The following PADI4 variants were observed in gnomAD, a reference collection of about 807,000 sequenced individuals.
PADI4 encodes the protein protein-arginine deiminase type-4.
PADI4 carries 62 observed loss-of-function variants against 75.0 expected under a neutral mutation model. The observed-to-expected ratio is 0.83, with a 90% CI of 0.67 to 1.02. The LOEUF (loss-of-function observed/expected upper bound fraction) is 1.02. Ranked by LOEUF, PADI4 falls within the 50% of genes least tolerant of loss-of-function variation. The pLI, the probability that PADI4 is intolerant of heterozygous loss-of-function variation, is 0.00. For missense variants in PADI4, 845 were observed against 850.5 expected (o/e 0.99, Z 0.08); for synonymous variants, 361 against 348.1 (o/e 1.04, Z -0.41).
intron 4 of PADI4, among the ~76,000 whole-genome samples, chr1:17,337,455 T>G (rs188181190): frequency 6.6e-6 from 1 of 152,264 alleles, no homozygotes; most frequent in East Asian, 1.9e-4. Context: ...CAACATTTCT[T>G]AAAAGCTGTT....
chr1:17,357,658 C>T (rs1382617311), intron 13 of PADI4, among the ~76,000 whole-genome samples: 2 of 151,946 alleles, frequency 1.3e-5, no homozygotes, highest in Admixed American at 6.6e-5. Flanking sequence ...CTAGGCTGGG[C>T]GCGATGGTTC....
At chr1:17,360,293 G>GAA (rs59638967) in intron 15 of PADI4, among the ~76,000 whole-genome samples, 2 of 129,860 alleles carry the variant, frequency 1.5e-5, no homozygotes, top group Non-Finnish European at 3.4e-5. Context: ...TTTGTCTCGG[G>GAA]AAAAAAAAAA....
chr1:17,359,048 G>A, intron 14 of PADI4, 140 bp downstream of exon 14: 2 of 698,156 alleles, frequency 2.9e-6, no homozygotes, highest in Non-Finnish European at 4.9e-6. Flanking sequence ...AAGGGCAGAA[G>A]CAAAGACTGG....
intron 1 of PADI4, among the ~76,000 whole-genome samples, chr1:17,310,471 C>T (rs1186860735): frequency 6.6e-6 from 1 of 152,206 alleles, no homozygotes; most frequent in Non-Finnish European, 1.5e-5. Flanking sequence ...GGGCCACTCC[C>T]TCCTCACCTC....
At position 17,363,762 on chromosome 1, in the gene PADI4, C is replaced by T; in HGVS notation, c.*7C>T. 6.3e-7 allele frequency: 1 copy of T among 1,594,678 alleles called. No individual in the cohort carries two copies. The highest frequency in any genetic ancestry group is 1.3e-5 in the African/African-American group (1 of 74,708). The stretch of plus-strand genomic sequence containing the variant: ...GTGGAACATGGTGCCCTGAGCCCAT[C>T]TTCCCTGGCGTCCTCTCCCTCCTGG... On this transcript the variant is annotated 3_prime_UTR_variant, in exon 16 of 16. Coordinates refer to ENST00000375448, the MANE Select transcript of PADI4 (RefSeq NM_012387.3).
Position 17,346,172 on chromosome 1 carries a change from T to C in PADI4, c.1047+33T>C. On this transcript the variant is annotated intron_variant, in intron 9 of 15. Transcript: ENST00000375448. The surrounding 1 kb of genome is among the most constrained non-coding windows in gnomAD (Gnocchi z 4.3). ...CCCTGCGGGGCAGGCAGGGTGACTG[T>C]CCCTGAGGGCCAAGAGACACTTGGG... 2 of 1,418,258 alleles carry C rather than the reference T, an allele frequency of 1.4e-6. No individual in the cohort carries two copies. The highest frequency in any genetic ancestry group is 2.0e-4 in the Middle Eastern group (1 of 4,986). 87.9% of individuals were successfully genotyped at this position (1,418,258 alleles called of 1,614,324 possible).
chr1:17,339,829 C>A lies in PADI4; in HGVS notation c.652+16C>A. The A allele has an allele frequency of 1.3e-6, 2 of 1,588,224 alleles. No individual in the cohort carries two copies. Among genetic ancestry groups the A allele is most frequent in the Non-Finnish European group, 1.7e-6 (2 of 1,166,376 alleles). ...CAGGCCACACGTAAGTCATCCCCAT[C>A]TTTGTTCCCCTCCTGCCCTGGCCAA... On this transcript the variant is annotated intron_variant, in intron 6 of 15. Coordinates refer to ENST00000375448, the MANE Select transcript of PADI4 (RefSeq NM_012387.3).
intron 1 of PADI4, among the ~76,000 whole-genome samples, chr1:17,330,644 T>C (rs928583486): frequency 6.6e-6 from 1 of 152,126 alleles, no homozygotes; most frequent in Non-Finnish European, 1.5e-5. Flanking sequence ...GCATCCAGCA[T>C]TGGAGAAAGA....
At chr1:17,330,504 G>C (rs1337905923) in intron 1 of PADI4, among the ~76,000 whole-genome samples, 1 of 152,182 alleles carries the variant, frequency 6.6e-6, no homozygotes, top group Non-Finnish European at 1.5e-5. Flanking sequence ...AACCAAGGAA[G>C]CCAACAATGC....
intron 1 of PADI4, among the ~76,000 whole-genome samples, chr1:17,328,564 T>C (rs2074153121): frequency 6.6e-6 from 1 of 151,958 alleles, no homozygotes; most frequent in Non-Finnish European, 1.5e-5. Context: ...TGAGGATCAC[T>C]TGAGCATAGG....
At chr1:17,319,451 C>T (rs2073997016) in intron 1 of PADI4, among the ~76,000 whole-genome samples, 1 of 152,022 alleles carries the variant, frequency 6.6e-6, no homozygotes, top group South Asian at 2.1e-4. Context: ...TACCTGTGGT[C>T]CCAGCTACTC....
At chr1:17,311,950 C>T (rs567126999) in intron 1 of PADI4, among the ~76,000 whole-genome samples, 8 of 152,020 alleles carry the variant, frequency 5.3e-5, no homozygotes, top group Non-Finnish European at 1.2e-4. Context: ...TGGGTTACGG[C>T]GAAGATTGAA....
intron 2 of PADI4, among the ~76,000 whole-genome samples, chr1:17,331,672 CT>C (rs1363370475): frequency 6.6e-6 from 1 of 152,154 alleles, no homozygotes; most frequent in Non-Finnish European, 1.5e-5. Flanking sequence ...AATCCCAGCA[CT>C]TTGGGAGGCC....
At chr1:17,308,583 C>T (rs1404642796) in intron 1 of PADI4, among the ~76,000 whole-genome samples, 3 of 152,204 alleles carry the variant, frequency 2.0e-5, no homozygotes, top group African/African-American at 7.2e-5. Flanking sequence ...ATCCATCTCC[C>T]TGTCTTCATC....
chr1:17,342,214 G>A, intron 7 of PADI4, 85 bp from the exon 8 acceptor site: 3 of 1,442,656 alleles, frequency 2.1e-6, no homozygotes, highest in South Asian at 1.2e-5. Context: ...TGGGCAGGGG[G>A]ACTCCAAACA....
At chr1:17,351,679 C>T (rs566850513) in intron 10 of PADI4, among the ~76,000 whole-genome samples, 1 of 150,548 alleles carries the variant, frequency 6.6e-6, no homozygotes, top group Non-Finnish European at 1.5e-5. Flanking sequence ...CACGGAGAAG[C>T]TGACCTTGCA....
Position 17,356,005 on chromosome 1 carries a change from C to G in PADI4, c.1333C>G (p.Gln445Glu). The G allele has an allele frequency of 6.2e-7, 1 of 1,614,186 alleles. No individual in the cohort carries two copies. The highest frequency in any genetic ancestry group is 8.5e-7 in the Non-Finnish European group (1 of 1,180,020). The change falls in exon 12 of 16, where the codon CAG (glutamine) becomes GAG (glutamate). Residue 445 changes from glutamine (Q) to glutamate (E), a missense_variant. Transcript: ENST00000375448. The surrounding 1 kb of genome is among the most constrained non-coding windows in gnomAD (Gnocchi z 4.1). ...YPSNDSRQMHQALQDFLSAQQ... is the reference protein window; with the variant it reads ...YPSNDSRQMHEALQDFLSAQQ... Reference sequence around the variant, plus strand: ...CAGCAATGACAGCCGGCAGATGCACCAGGCCCTGCAGGACTTCCTCAGTGC... The same window carrying G: ...CAGCAATGACAGCCGGCAGATGCACGAGGCCCTGCAGGACTTCCTCAGTGC...
intron 15 of PADI4, 120 bp from the exon 16 acceptor site, chr1:17,363,402 T>G: frequency 1.5e-6 from 1 of 677,570 alleles, no homozygotes; most frequent in Non-Finnish European, 2.6e-6. Flanking sequence ...GGACTACAGG[T>G]CTGAGCCACC....
In PADI4 at chr1:17,357,788, G is replaced by A. The variant is rs987622092; in HGVS notation, c.1559-1050G>A. Among the ~76,000 whole-genome samples, 29 of 151,848 alleles carry A rather than the reference G, an allele frequency of 1.9e-4. 1 individual carries two copies. Among genetic ancestry groups the A allele is most frequent in the Admixed American group, 1.7e-3 (26 of 15,252 alleles). On this transcript the variant is annotated intron_variant, in intron 13 of 15. Coordinates refer to ENST00000375448, the MANE Select transcript of PADI4 (RefSeq NM_012387.3). ...TCTACTAAAAATACAAAAATTAGCC[G>A]GGCGTGGTGGCGGGTGCCTGTAATC...
Sources: allele counts gnomAD v4.1 joint callset (sites outside exome capture counted in the v4.1 genomes callset), GRCh38; gene constraint gnomAD v4.1.1; non-coding constraint Gnocchi (gnomAD v3.1); transcripts MANE v1.5; gene names NCBI Gene and HGNC (gene_info 2026-07-23, HGNC 2026-07-21).